Variants in KIAA1217 observed in about 807,000 individuals in gnomAD.
KIAA1217 encodes sickle tail protein homolog.
In KIAA1217, 88 loss-of-function variants were observed where a neutral mutation model predicts 163.9. The observed-to-expected ratio is 0.54, with a 90% confidence interval of 0.45 to 0.64. The LOEUF is 0.64. Among genes scored for constraint, KIAA1217 ranks in the 30% least tolerant of loss-of-function variants. KIAA1217 has a pLI of 0.00. For synonymous variants in KIAA1217, 903 were observed against 923.1 expected, an observed-to-expected ratio of 0.98 and a Z score of 0.39; for missense variants, 2,372 against 2,475.0, an observed-to-expected ratio of 0.96 and a Z score of 0.88.
At chr10:23,904,357 T>C (rs1842066465) in intron 1 of KIAA1217, among the ~76,000 whole-genome samples, 3 of 152,162 alleles carry the variant, frequency 2.0e-5, no homozygotes, top group Admixed American at 2.0e-4. Context: ...TAGCAATAAT[T>C]AACACTTACA....
rs1266569084 is a variant in KIAA1217, at chr10:23,707,439, A to G, written c.-321+12205A>G. ...CTCAGAGCAGTGTGTTTTCACTTTTAAAATGTCTGTTTCTGAAGAACTGGG... is the reference window on the plus strand; with the variant it reads ...CTCAGAGCAGTGTGTTTTCACTTTTGAAATGTCTGTTTCTGAAGAACTGGG... On this transcript the variant is annotated intron_variant, in intron 1 of 18. Coordinates refer to the KIAA1217 transcript ENST00000376462. Among the ~76,000 whole-genome samples the G allele has an allele frequency of 2.6e-5, 4 of 152,288 alleles. No homozygotes were observed. The South Asian group carries it at 8.3e-4, about 32-fold the overall frequency.
chr10:24,267,622 G>T (rs1044087288), intron 2 of KIAA1217, among the ~76,000 whole-genome samples: 26 of 152,160 alleles, frequency 1.7e-4, no homozygotes, highest in Admixed American at 1.7e-3. Context: ...CCCAAGAAGG[G>T]ATATTTGAGT....
At chr10:24,249,364 G>A (rs952926377) in intron 2 of KIAA1217, among the ~76,000 whole-genome samples, 2 of 152,124 alleles carry the variant, frequency 1.3e-5, no homozygotes, top group Non-Finnish European at 2.9e-5. Flanking sequence ...AATTGAGCCC[G>A]TACTGTGCAA....
At chr10:23,779,354 C>G (rs150816575) in intron 1 of KIAA1217, among the ~76,000 whole-genome samples, 66 of 152,268 alleles carry the variant, frequency 4.3e-4, no homozygotes, top group African/African-American at 1.6e-3. Context: ...CATCGTCTCC[C>G]TTTGTCTGGA....
At chr10:24,166,441 A>G (rs1163521892) in intron 2 of KIAA1217, among the ~76,000 whole-genome samples, 3 of 152,172 alleles carry the variant, frequency 2.0e-5, no homozygotes, top group Non-Finnish European at 2.9e-5. Flanking sequence ...TATCAATTGT[A>G]TATTTCAAAA....
chr10:24,064,571 A>G (rs1267862837), intron 2 of KIAA1217, among the ~76,000 whole-genome samples: 4 of 152,176 alleles, frequency 2.6e-5, no homozygotes, highest in Non-Finnish European at 5.9e-5. Flanking sequence ...TTTTGCATCA[A>G]TGTTCATCAA....
At chr10:24,169,919 TAA>T (rs2065545647) in intron 2 of KIAA1217, among the ~76,000 whole-genome samples, 1 of 152,220 alleles carries the variant, frequency 6.6e-6, no homozygotes, top group South Asian at 2.1e-4. Flanking sequence ...CTAAGCTCCC[TAA>T]GTTACTATTT....
chr10:24,531,686 T>C (rs1018005091), intron 14 of KIAA1217, 144 bp from the exon 15 acceptor site: 4 of 675,400 alleles, frequency 5.9e-6, no homozygotes, highest in African/African-American at 1.8e-5. Context: ...AGTCACTCTT[T>C]AGGGTCTATA....
intron 6 of KIAA1217, among the ~76,000 whole-genome samples, chr10:24,484,241 A>ATATATATATATATATATT (rs1376083298): frequency 1.3e-5 from 1 of 75,146 alleles, no homozygotes; most frequent in African/African-American, 4.9e-5. Flanking sequence ...ATATATATAT[A>ATATATATATATATATATT]TTTTTTTTTT....
upstream of KIAA1217, among the ~76,000 whole-genome samples, chr10:24,208,589 CTT>C (rs1273213333): frequency 2.2e-5 from 3 of 133,972 alleles, no homozygotes; most frequent in Non-Finnish European, 3.1e-5. Context: ...AGCATATACT[CTT>C]TCTTTCAAAT....
chr10:24,464,935 A>G (rs993589365), intron 5 of KIAA1217, among the ~76,000 whole-genome samples: 1 of 152,148 alleles, frequency 6.6e-6, no homozygotes, highest in Non-Finnish European at 1.5e-5. Context: ...CCCTGCCCAT[A>G]ATAAGCAGGT....
chr10:23,879,693 A>G (rs953737619), intron 1 of KIAA1217, among the ~76,000 whole-genome samples: 1 of 151,948 alleles, frequency 6.6e-6, no homozygotes, highest in Non-Finnish European at 1.5e-5. Context: ...GAGTTTCTGT[A>G]TAAAAGAGAG....
At chr10:23,986,574 T>C (rs1174934839) in intron 1 of KIAA1217, among the ~76,000 whole-genome samples, 2 of 152,332 alleles carry the variant, frequency 1.3e-5, no homozygotes, top group African/African-American at 4.8e-5. Context: ...TGTACTGCTA[T>C]TTTTTGTTGT....
intron 1 of KIAA1217, among the ~76,000 whole-genome samples, chr10:23,813,650 T>C (rs1288042142): frequency 6.6e-6 from 1 of 152,196 alleles, no homozygotes; most frequent in Non-Finnish European, 1.5e-5. Context: ...GTAAAGTATT[T>C]TCAATATTGT....
At position 24,296,495 on chromosome 10, in the gene KIAA1217, T is replaced by C. The variant is rs182948340; in HGVS notation, c.354+76586T>C. Among the ~76,000 whole-genome samples the C allele has an allele frequency of 1.7e-3, 265 of 152,280 alleles. 1 individual carries two copies. Among genetic ancestry groups the C allele is most frequent in the African/African-American group, 6.1e-3 (255 of 41,564 alleles). On this transcript the variant is annotated intron_variant, in intron 2 of 20. Coordinates refer to ENST00000376454, the MANE Select transcript of KIAA1217 (RefSeq NM_019590.5). Reference sequence around the variant, plus strand: ...GCTTTGTACATTGCACAGAACCTTGTATAAAGCAGAGACTCCCTGGATAGC... The same window carrying C: ...GCTTTGTACATTGCACAGAACCTTGCATAAAGCAGAGACTCCCTGGATAGC...
intron 6 of KIAA1217, among the ~76,000 whole-genome samples, chr10:24,490,300 A>C (rs1162394253): frequency 1.3e-5 from 2 of 152,248 alleles, no homozygotes; most frequent in Admixed American, 6.5e-5. Context: ...CGATATTGGC[A>C]AGAATGAGCC....
At chr10:23,737,064 C>T (rs1057130605) in intron 1 of KIAA1217, among the ~76,000 whole-genome samples, 44 of 152,258 alleles carry the variant, frequency 2.9e-4, no homozygotes, top group African/African-American at 9.4e-4. Context: ...GTTTCTTTCC[C>T]TTTATTTGAA....
intron 1 of KIAA1217, among the ~76,000 whole-genome samples, chr10:23,897,913 G>A (rs1841776046): frequency 6.6e-6 from 1 of 152,094 alleles, no homozygotes; most frequent in Middle Eastern, 3.4e-3. Flanking sequence ...TTATTTGATA[G>A]TAAACAATTT....
At chr10:24,518,206 T>A (rs555502202) in intron 10 of KIAA1217, among the ~76,000 whole-genome samples, 2 of 152,342 alleles carry the variant, frequency 1.3e-5, no homozygotes, top group Admixed American at 1.3e-4. Context: ...GCAAAGCTGA[T>A]ATTTTAAAAG....
Sources: allele counts gnomAD v4.1 joint callset (sites outside exome capture counted in the v4.1 genomes callset), GRCh38; gene constraint gnomAD v4.1.1; transcripts MANE v1.5; gene names NCBI Gene and HGNC (gene_info 2026-07-23, HGNC 2026-07-21).